Variants in CA13 observed in about 807,000 individuals in gnomAD.
CA13 encodes the protein CA-XIII.
CA13 carries 21 observed loss-of-function variants against 31.5 expected under a neutral mutation model. That is an observed-to-expected ratio of 0.67 (90% CI 0.47 to 0.96). The LOEUF is 0.96. Ranked by LOEUF, CA13 falls within the 40% of genes least tolerant of loss-of-function variation. CA13 has a pLI of 0.00. For missense variants in CA13, 315 were observed against 318.9 expected (o/e 0.99, Z 0.09); for synonymous variants, 117 against 111.4 (o/e 1.05, Z -0.32).
At chr8:85,252,607 A>G (rs1260489992) in intron 2 of CA13, among the ~76,000 whole-genome samples, 1 of 152,234 alleles carries the variant, frequency 6.6e-6, no homozygotes, top group African/African-American at 2.4e-5. Context: ...CTACTGCCCA[A>G]GCAGAGATTC....
rs1337485407 is a variant in CA13 at position 85,281,788 on chromosome 8, G to A, written c.*439G>A. ...CTGCCTTTGCCTCTCAAAGTGCTGG[G>A]ATTTCAGGCATGGGTCATCAAGCCC... On this transcript the variant is annotated 3_prime_UTR_variant, in exon 7 of 7. Transcript: ENST00000321764. 1 of 154,024 alleles carries A rather than the reference G, an allele frequency of 6.5e-6. No individual in the cohort carries two copies. The highest frequency in any genetic ancestry group is 1.4e-5 in the Non-Finnish European group (1 of 69,246). The allele number at this position is 154,024 out of a possible 1,614,324, so 9.5% of individuals were successfully genotyped here. A position where few individuals can be genotyped will look rare whatever the true frequency, so the allele number is the denominator to read the frequency against.
At chr8:85,266,002 T>C (rs1011326569) in intron 3 of CA13, among the ~76,000 whole-genome samples, 2 of 152,074 alleles carry the variant, frequency 1.3e-5, no homozygotes, top group South Asian at 2.1e-4. Context: ...GTGTCGGAGG[T>C]TGACTTCTCC....
intron 3 of CA13, among the ~76,000 whole-genome samples, chr8:85,263,505 G>A (rs996174962): frequency 6.6e-6 from 1 of 152,194 alleles, no homozygotes; most frequent in African/African-American, 2.4e-5. Context: ...GGGTGGTGGA[G>A]ACGAAGAGAG....
At chr8:85,248,109 T>C (rs1273355048) in intron 1 of CA13, among the ~76,000 whole-genome samples, 1 of 152,210 alleles carries the variant, frequency 6.6e-6, no homozygotes, top group African/African-American at 2.4e-5. Flanking sequence ...TGTATATCAC[T>C]GTAGGTATTT....
At chr8:85,266,725 T>G (rs1480156915) in intron 4 of CA13, 22 bp downstream of exon 4, 1 of 1,568,604 alleles carries the variant, frequency 6.4e-7, no homozygotes, top group African/African-American at 1.4e-5. Flanking sequence ...CTGTTTTCAT[T>G]TTAAATGATC....
intron 6 of CA13, among the ~76,000 whole-genome samples, chr8:85,269,504 A>T (rs1807499143): frequency 6.6e-6 from 1 of 152,138 alleles, no homozygotes. Context: ...TTATAAGAAG[A>T]GGAAAGAGAG....
intron 1 of CA13, among the ~76,000 whole-genome samples, chr8:85,248,544 G>T (rs933089410): frequency 3.3e-5 from 5 of 151,974 alleles, no homozygotes; most frequent in African/African-American, 1.2e-4. Context: ...AGGATTGCCT[G>T]AGGCCAGGAG....
chr8:85,255,289 A>T (rs1199081706), intron 2 of CA13, among the ~76,000 whole-genome samples: 1 of 149,150 alleles, frequency 6.7e-6, no homozygotes, highest in African/African-American at 2.5e-5. Context: ...TTAAGACAAG[A>T]TCTCACTCTG....
intron 2 of CA13, among the ~76,000 whole-genome samples, chr8:85,253,588 G>T (rs1466127397): frequency 6.6e-6 from 1 of 152,176 alleles, no homozygotes; most frequent in Non-Finnish European, 1.5e-5. Flanking sequence ...TGTAAAAAAT[G>T]CATAAAGACA....
intron 6 of CA13, among the ~76,000 whole-genome samples, chr8:85,269,590 G>C (rs1356752466): frequency 6.6e-6 from 1 of 152,178 alleles, no homozygotes; most frequent in Non-Finnish European, 1.5e-5. Flanking sequence ...CTTTTGTTGG[G>C]CTGTCTGAGG....
chr8:85,245,890 G>A, intron 1 of CA13, 25 bp downstream of exon 1: 1 of 1,614,038 alleles, frequency 6.2e-7, no homozygotes, highest in Non-Finnish European at 8.5e-7. Flanking sequence ...CTGATCCAAG[G>A]GGGGGTTTGT....
At chr8:85,257,655 G>A (rs1212867592) in intron 2 of CA13, among the ~76,000 whole-genome samples, 2 of 151,014 alleles carry the variant, frequency 1.3e-5, no homozygotes, top group East Asian at 3.9e-4. Context: ...AATTGAGGCT[G>A]CAAGTTTGAG....
At chr8:85,262,188 TATTC>T (rs1807392033) in intron 3 of CA13, among the ~76,000 whole-genome samples, 1 of 9,932 alleles carries the variant, frequency 1.0e-4, no homozygotes, top group South Asian at 2.5e-3. Context: ...TTGGCTTATA[TATTC>T]ATTCATTCTT....
intron 6 of CA13, among the ~76,000 whole-genome samples, chr8:85,275,388 TAGTA>T (rs143405281): frequency 3.3e-5 from 5 of 152,218 alleles, no homozygotes; most frequent in South Asian, 2.1e-4. Context: ...TTTGGGATGC[TAGTA>T]AGTAAGGGGG....
chr8:85,255,879 C>A (rs1171614731), intron 2 of CA13, among the ~76,000 whole-genome samples: 1 of 152,160 alleles, frequency 6.6e-6, no homozygotes, highest in East Asian at 1.9e-4. Flanking sequence ...ATTTTCCTAA[C>A]ACAGAACTCT....
intron 4 of CA13, among the ~76,000 whole-genome samples, chr8:85,266,937 GAA>G (rs1807466219): frequency 6.6e-6 from 1 of 152,112 alleles, no homozygotes; most frequent in African/African-American, 2.4e-5. Flanking sequence ...TCAACATCAA[GAA>G]TAGTAGCAGA....
chr8:85,246,394 A>G (rs1478606526), intron 1 of CA13: 2 of 456,004 alleles, frequency 4.4e-6, no homozygotes, highest in Non-Finnish European at 8.8e-6. Context: ...GTTTCCTAAT[A>G]GTTGTTACTG....
At chr8:85,275,309 A>G (rs1807586227) in intron 6 of CA13, among the ~76,000 whole-genome samples, 1 of 152,088 alleles carries the variant, frequency 6.6e-6, no homozygotes, top group Non-Finnish European at 1.5e-5. Context: ...CGGGATATGC[A>G]CACCGTCCCT....
intron 2 of CA13, among the ~76,000 whole-genome samples, chr8:85,254,768 A>T (rs1239002253): frequency 4.1e-5 from 5 of 121,588 alleles, no homozygotes; most frequent in African/African-American, 1.6e-4. Flanking sequence ...CCATAGTTAA[A>T]CAAGTTTTTT....
Sources: allele counts gnomAD v4.1 joint callset (sites outside exome capture counted in the v4.1 genomes callset), GRCh38; gene constraint gnomAD v4.1.1; transcripts MANE v1.5; gene names NCBI Gene and HGNC (gene_info 2026-07-23, HGNC 2026-07-21).